Variants in CFAP54 observed in about 807,000 individuals in gnomAD.
CFAP54 encodes the protein cilia and flagella associated protein 54.
A neutral mutation model predicts 370.4 loss-of-function variants in CFAP54; 290 were observed. That is an observed-to-expected ratio of 0.78 (90% CI 0.71 to 0.86). CFAP54 has a LOEUF of 0.86. Ranked by LOEUF, CFAP54 falls within the 40% of genes least tolerant of loss-of-function variation. The probability of loss-of-function intolerance (pLI) is 0.00; values close to 1 mark genes in which losing one functional copy is unlikely to be tolerated. For synonymous variants in CFAP54, 1,206 were observed against 1,236.5 expected (o/e 0.98, Z 0.52); for missense variants, 3,399 against 3,528.7 (o/e 0.96, Z 0.93).
intron 58 of CFAP54, among the ~76,000 whole-genome samples, chr12:96,762,744 T>C (rs1958353093): frequency 6.6e-6 from 1 of 152,010 alleles, no homozygotes; most frequent in Admixed American, 6.6e-5. Context: ...TTACTCCAGA[T>C]TAGTCCCATT....
Position 96,720,470 on chromosome 12 carries a change from C to T in CFAP54, c.6870C>T (p.Thr2290=). The change falls in exon 50 of 68, where the codon ACC becomes ACT. Residue 2290 remains threonine, a synonymous_variant. Coordinates refer to ENST00000524981, the MANE Select transcript of CFAP54 (RefSeq NM_001306084.2). ...NFLLSEVEQK[T]LSQCSAGELE... ...TTCTGTCCGAGGTGGAACAGAAGAC[C>T]CTGTCTCAGTGCTCCGCTGGCGAGC... is the stretch of plus-strand genomic sequence containing the variant. 1 of 1,605,062 alleles carries T rather than the reference C, an allele frequency of 6.2e-7. No individual in the cohort carries two copies. The highest frequency in any genetic ancestry group is 8.5e-7 in the Non-Finnish European group (1 of 1,175,266).
chr12:96,557,085 C>G (rs1471329769), intron 17 of CFAP54, among the ~76,000 whole-genome samples: 1 of 152,096 alleles, frequency 6.6e-6, no homozygotes, highest in Non-Finnish European at 1.5e-5. Flanking sequence ...AAGGTGTCAA[C>G]CGAGCTGTAT....
chr12:96,490,834 G>T (rs1016384717), intron 1 of CFAP54, among the ~76,000 whole-genome samples: 3 of 152,056 alleles, frequency 2.0e-5, no homozygotes, highest in Non-Finnish European at 4.4e-5. Flanking sequence ...AAGAATCCAT[G>T]TCCTTATAGA....
chr12:96,531,302 A>G (rs1227287950), intron 9 of CFAP54, among the ~76,000 whole-genome samples: 1 of 152,036 alleles, frequency 6.6e-6, no homozygotes. Flanking sequence ...GAGAAGTGTA[A>G]TGTCAGTTTA....
chr12:96,657,782 GTTCTT>G, intron 36 of CFAP54, 95 bp from the exon 37 acceptor site: 1 of 868,820 alleles, frequency 1.2e-6, no homozygotes, highest in Non-Finnish European at 1.8e-6. Context: ...TTTCAGTTGA[GTTCTT>G]TTCCATGTTA....
Position 96,630,084 on chromosome 12 carries a change from T to C in CFAP54, c.4104-9T>C, listed in dbSNP as rs1360029876. On this transcript the variant is annotated splice_polypyrimidine_tract_variant and intron_variant, in intron 30 of 67. Coordinates refer to ENST00000524981, the MANE Select transcript of CFAP54 (RefSeq NM_001306084.2). ...AGGTCTTTTTGACTGACTTTATCTT[T>C]TTTATTAGGAGAAATGAGTCTCTAC... 1 of 1,373,618 alleles carries C rather than the reference T, an allele frequency of 7.3e-7. No individual in the cohort carries two copies. The allele number at this position is 1,373,618 out of a possible 1,614,324, so 85.1% of individuals were successfully genotyped here. A position where few individuals can be genotyped will look rare whatever the true frequency, so the allele number is the denominator to read the frequency against.
chr12:96,789,501 G>A (rs1230350629), intron 62 of CFAP54, among the ~76,000 whole-genome samples: 1 of 152,334 alleles, frequency 6.6e-6, no homozygotes, highest in African/African-American at 2.4e-5. Context: ...AGGACGGGAA[G>A]ACTGAGAACA....
intron 22 of CFAP54, among the ~76,000 whole-genome samples, chr12:96,585,806 T>A (rs1250593769): frequency 6.6e-6 from 1 of 152,186 alleles, no homozygotes; most frequent in African/African-American, 2.4e-5. Flanking sequence ...GCTTTCTCCC[T>A]CTGCTTTGCC....
intron 17 of CFAP54, among the ~76,000 whole-genome samples, chr12:96,555,638 ACAT>A (rs1955743944): frequency 6.6e-6 from 1 of 150,496 alleles, no homozygotes; most frequent in Non-Finnish European, 1.5e-5. Context: ...TAATAAAAAG[ACAT>A]CATTTTTATA....
At chr12:96,645,594 A>G (rs1956778947) in intron 33 of CFAP54, 1 of 153,662 alleles carries the variant, frequency 6.5e-6, no homozygotes, top group Non-Finnish European at 1.4e-5. Context: ...ATTGGAAAAA[A>G]ACTACTTTAA....
chr12:96,789,212 CA>C (rs1004005482), intron 62 of CFAP54, among the ~76,000 whole-genome samples: 1 of 152,102 alleles, frequency 6.6e-6, no homozygotes, highest in Non-Finnish European at 1.5e-5. Flanking sequence ...ATTTTACTCC[CA>C]GGAAGAAAGC....
chr12:96,635,382 T>G (rs993998043), intron 32 of CFAP54, among the ~76,000 whole-genome samples: 5 of 152,232 alleles, frequency 3.3e-5, no homozygotes, highest in Non-Finnish European at 4.4e-5. Flanking sequence ...ATAAACTACA[T>G]TATTACATAA....
chr12:96,621,892 T>G (rs1343982972), intron 27 of CFAP54, among the ~76,000 whole-genome samples, 171 bp downstream of exon 27: 4 of 134,592 alleles, frequency 3.0e-5, no homozygotes, highest in African/African-American at 5.5e-5. Flanking sequence ...TTTTTTTTTT[T>G]TTTTTTTTTT....
chr12:96,823,641 T>A (rs1959056806), intron 65 of CFAP54, among the ~76,000 whole-genome samples: 1 of 152,234 alleles, frequency 6.6e-6, no homozygotes. Flanking sequence ...GTCTCTCCAA[T>A]TGCCCTCACT....
chr12:96,861,176 TG>T (rs1565765358), intron 67 of CFAP54, among the ~76,000 whole-genome samples: 1 of 152,266 alleles, frequency 6.6e-6, no homozygotes, highest in Non-Finnish European at 1.5e-5. Context: ...CAAGTTTATG[TG>T]CAGTGCAACT....
intron 60 of CFAP54, among the ~76,000 whole-genome samples, chr12:96,772,871 A>G (rs1406540873): frequency 6.6e-6 from 1 of 152,078 alleles, no homozygotes; most frequent in Non-Finnish European, 1.5e-5. Context: ...CAGCTTCCCA[A>G]AGTGCTGGGA....
chr12:96,517,190 G>A (rs959739754), intron 5 of CFAP54, among the ~76,000 whole-genome samples: 13 of 152,070 alleles, frequency 8.5e-5, no homozygotes, highest in African/African-American at 9.7e-5. Flanking sequence ...GGTTTATGGT[G>A]AGCTTCTCCC....
intron 4 of CFAP54, 51 bp from the exon 5 acceptor site, chr12:96,512,935 A>AT: frequency 8.0e-7 from 1 of 1,242,442 alleles, no homozygotes; most frequent in East Asian, 2.7e-5. Context: ...GGAATATAAA[A>AT]TTTCTATCAT....
At chr12:96,782,529 A>G (rs1159940927) in intron 60 of CFAP54, among the ~76,000 whole-genome samples, 1 of 152,158 alleles carries the variant, frequency 6.6e-6, no homozygotes, top group Non-Finnish European at 1.5e-5. Context: ...GTAGCTACAA[A>G]AATATATAAG....
Sources: allele counts gnomAD v4.1 joint callset (sites outside exome capture counted in the v4.1 genomes callset), GRCh38; gene constraint gnomAD v4.1.1; transcripts MANE v1.5; gene names NCBI Gene and HGNC (gene_info 2026-07-23, HGNC 2026-07-21).